PAK5: variants seen among roughly 807,000 people sequenced by gnomAD.
PAK5 encodes the protein serine/threonine-protein kinase PAK 5.
In PAK5, 16 loss-of-function variants were observed where a neutral mutation model predicts 65.9. That is an observed-to-expected ratio of 0.24 (90% CI 0.16 to 0.37). The LOEUF is 0.37. PAK5 is among the 10% of genes least tolerant of loss of function. PAK5 has a pLI of 1.00. For missense variants in PAK5, 785 were observed against 903.9 expected (o/e 0.87, Z 1.69); for synonymous variants, 371 against 354.9 (o/e 1.05, Z -0.51).
At chr20:9,688,143 T>C (rs1441717279) in intron 2 of PAK5, among the ~76,000 whole-genome samples, 1 of 152,040 alleles carries the variant, frequency 6.6e-6, no homozygotes, top group Non-Finnish European at 1.5e-5. Context: ...AGAACAGCCA[T>C]GGTGGAAACC....
At chr20:9,557,536 C>T in intron 7 of PAK5, 72 bp downstream of exon 7, 1 of 1,293,852 alleles carries the variant, frequency 7.7e-7, no homozygotes, top group South Asian at 1.7e-5. Context: ...AAAAGTGTTT[C>T]TAAAAGAGTT....
At chr20:9,764,738 A>T (rs1474704972) in intron 1 of PAK5, among the ~76,000 whole-genome samples, 1 of 152,218 alleles carries the variant, frequency 6.6e-6, no homozygotes, top group Non-Finnish European at 1.5e-5. Context: ...TTTCTGAGAT[A>T]ATGCATTACT....
chr20:9,633,050 A>G (rs1002510311), intron 3 of PAK5, among the ~76,000 whole-genome samples: 4 of 152,324 alleles, frequency 2.6e-5, no homozygotes, highest in African/African-American at 2.4e-5. Flanking sequence ...GTAAGATAGT[A>G]TCAGTCAGTT....
chr20:9,793,727 G>T (rs560726682), intron 1 of PAK5, among the ~76,000 whole-genome samples: 264 of 151,874 alleles, frequency 1.7e-3, no homozygotes, highest in Admixed American at 5.9e-3. Context: ...TTACACTGTT[G>T]ATGAGTGTAA....
chr20:9,700,844 A>C (rs900789116), intron 2 of PAK5, among the ~76,000 whole-genome samples: 5 of 152,050 alleles, frequency 3.3e-5, no homozygotes, highest in Admixed American at 3.3e-4. Flanking sequence ...CGCCCCAAAC[A>C]TGTTTTGTTC....
intron 2 of PAK5, among the ~76,000 whole-genome samples, chr20:9,669,224 TA>T (rs1012970720): frequency 3.3e-5 from 5 of 152,308 alleles, no homozygotes; most frequent in African/African-American, 1.2e-4. Flanking sequence ...TTAGATCTAG[TA>T]AAAAGTGTAT....
intron 6 of PAK5, among the ~76,000 whole-genome samples, chr20:9,559,299 GA>G (rs989202271): frequency 1.3e-5 from 2 of 152,150 alleles, no homozygotes; most frequent in African/African-American, 4.8e-5. Flanking sequence ...CAAATTTAAG[GA>G]CAAACTTGTG....
intron 3 of PAK5, among the ~76,000 whole-genome samples, chr20:9,600,980 G>A (rs1429601183): frequency 6.6e-6 from 1 of 152,182 alleles, no homozygotes; most frequent in African/African-American, 2.4e-5. Context: ...GAGGTTAAGA[G>A]TCCCACTCTG....
At chr20:9,576,170 A>G (rs1338517642) in intron 4 of PAK5, among the ~76,000 whole-genome samples, 1 of 152,192 alleles carries the variant, frequency 6.6e-6, no homozygotes, top group Non-Finnish European at 1.5e-5. Flanking sequence ...ATAATGAGAC[A>G]CGGGCTGTCT....
chr20:9,752,057 A>G (rs2048583278), intron 1 of PAK5, among the ~76,000 whole-genome samples: 1 of 152,188 alleles, frequency 6.6e-6, no homozygotes, highest in South Asian at 2.1e-4. Context: ...GTAAATTAAC[A>G]AACTGAACAG....
chr20:9,664,858 A>AT lies in PAK5; in HGVS notation c.-11-20520dup, dbSNP rs2047392224. Among the ~76,000 whole-genome samples, 10 of 152,146 alleles carry AT rather than the reference A, an allele frequency of 6.6e-5. No homozygotes were observed. The South Asian group carries it at 2.1e-3, about 32-fold the overall frequency. ...TGCCTTGACCCATAAATGTCTAATT[A>AT]TTTTACTAAAAAAAAGAATCCCTCA... On this transcript the variant is annotated intron_variant, in intron 2 of 9. Transcript: ENST00000353224.
At chr20:9,723,332 G>A (rs2048239539) in intron 1 of PAK5, among the ~76,000 whole-genome samples, 1 of 152,164 alleles carries the variant, frequency 6.6e-6, no homozygotes, top group Admixed American at 6.5e-5. Context: ...TGGCTTTGAG[G>A]TGCAAGGGAA....
chr20:9,732,496 T>C (rs1372995635), intron 1 of PAK5, among the ~76,000 whole-genome samples: 1 of 152,212 alleles, frequency 6.6e-6, no homozygotes, highest in Non-Finnish European at 1.5e-5. Flanking sequence ...CAAGACATTG[T>C]TGACATTTTA....
At chr20:9,834,045 T>C (rs1029915281) in intron 1 of PAK5, among the ~76,000 whole-genome samples, 1 of 152,190 alleles carries the variant, frequency 6.6e-6, no homozygotes, top group African/African-American at 2.4e-5. Context: ...AATTTTGTAC[T>C]AGTTCCTTTA....
chr20:9,704,610 T>C (rs1012407599), intron 2 of PAK5, among the ~76,000 whole-genome samples: 4 of 152,178 alleles, frequency 2.6e-5, no homozygotes, highest in African/African-American at 9.7e-5. Flanking sequence ...GTATCTTGTC[T>C]GCAACTACTT....
intron 2 of PAK5, among the ~76,000 whole-genome samples, chr20:9,646,618 C>A (rs1052463075): frequency 2.0e-5 from 3 of 152,326 alleles, no homozygotes. Context: ...CACAATGTTT[C>A]ATTCTTCCTG....
rs111756142 is a variant in PAK5, at chr20:9,705,239, T to TAA, written c.-12+6045_-12+6046dup. ...AAGAGATAAATGAGATGTGTCTAAT[T>TAA]AAAAAAAAAATGGAAAAAAGATGAA... is the stretch of plus-strand genomic sequence containing the variant. On this transcript the variant is annotated intron_variant, in intron 2 of 9. Coordinates refer to ENST00000353224, the MANE Select transcript of PAK5 (RefSeq NM_177990.4). Among the ~76,000 whole-genome samples the TAA allele has an allele frequency of 1.2e-3, 174 of 149,222 alleles. 2 individuals carry two copies. In the South Asian group the frequency reaches 0.013, roughly 11 times the overall value.
At chr20:9,771,404 TAAAAA>T (rs372717784) in intron 1 of PAK5, among the ~76,000 whole-genome samples, 4 of 149,384 alleles carry the variant, frequency 2.7e-5, no homozygotes, top group African/African-American at 9.9e-5. Flanking sequence ...ATCTATAATT[TAAAAA>T]AATTTTTTTT....
intron 4 of PAK5, among the ~76,000 whole-genome samples, chr20:9,574,012 G>A (rs928637452): frequency 6.6e-6 from 1 of 152,182 alleles, no homozygotes; most frequent in Non-Finnish European, 1.5e-5. Context: ...ATCTGAGCAT[G>A]GAAAGGACAT....
Sources: gnomAD v4.1 joint callset for allele counts (sites outside exome capture counted in the v4.1 genomes callset) on GRCh38, gnomAD v4.1.1 for gene constraint, MANE v1.5 for transcripts, NCBI Gene and HGNC (gene_info 2026-07-23, HGNC 2026-07-21) for gene names.